NKAIN2: variants seen among roughly 807,000 people sequenced by gnomAD.
The protein encoded by NKAIN2 is sodium/potassium transporting ATPase interacting 2.
NKAIN2 carries 14 observed loss-of-function variants against 32.6 expected under a neutral mutation model. The observed-to-expected ratio is 0.43, with a 90% CI of 0.28 to 0.67. The LOEUF (loss-of-function observed/expected upper bound fraction) is 0.67, where lower values mean the gene tolerates loss of function less well. Among genes scored for constraint, NKAIN2 ranks in the 30% least tolerant of loss-of-function variants. The pLI, the probability that NKAIN2 is intolerant of heterozygous loss-of-function variation, is 0.17. For missense variants in NKAIN2, 198 were observed against 258.3 expected (o/e 0.77, Z 1.60); for synonymous variants, 80 against 87.2 (o/e 0.92, Z 0.46).
chr6:124,205,668 A>C (rs1790835107), intron 1 of NKAIN2, among the ~76,000 whole-genome samples: 1 of 151,618 alleles, frequency 6.6e-6, no homozygotes, highest in Admixed American at 6.6e-5. Context: ...AGATATTCAC[A>C]TTTACAGAGG....
At chr6:123,967,885 C>T (rs533057887) in intron 1 of NKAIN2, among the ~76,000 whole-genome samples, 3 of 152,242 alleles carry the variant, frequency 2.0e-5, no homozygotes, top group African/African-American at 7.2e-5. Context: ...TGTGCTCGCT[C>T]TCTGTGGTAT....
chr6:124,119,296 A>C (rs1043488721), intron 1 of NKAIN2, among the ~76,000 whole-genome samples: 3 of 152,160 alleles, frequency 2.0e-5, no homozygotes, highest in Non-Finnish European at 4.4e-5. Context: ...TCCAGAACAA[A>C]TGTATGTTCC....
chr6:124,571,283 G>A (rs2114917975), intron 3 of NKAIN2, among the ~76,000 whole-genome samples: 1 of 152,248 alleles, frequency 6.6e-6, no homozygotes, highest in South Asian at 2.1e-4. Flanking sequence ...AAGACTTTGG[G>A]GGACTGTTGG....
intron 1 of NKAIN2, among the ~76,000 whole-genome samples, chr6:123,905,862 G>A (rs1453307868): frequency 6.6e-6 from 1 of 152,098 alleles, no homozygotes; most frequent in East Asian, 1.9e-4. Context: ...AAGCTGAAAA[G>A]TACTATTAAT....
intron 1 of NKAIN2, among the ~76,000 whole-genome samples, chr6:124,264,947 A>G (rs1003487384): frequency 2.0e-5 from 3 of 152,220 alleles, no homozygotes; most frequent in African/African-American, 7.2e-5. Flanking sequence ...CATAATTTTT[A>G]TAATATATGT....
At chr6:124,632,167 C>A (rs1783594545) in intron 3 of NKAIN2, among the ~76,000 whole-genome samples, 3 of 152,104 alleles carry the variant, frequency 2.0e-5, no homozygotes, top group Admixed American at 6.5e-5. Context: ...GAACACACAT[C>A]TTAATTAAAA....
At chr6:124,494,164 C>T (rs943428103) in intron 3 of NKAIN2, among the ~76,000 whole-genome samples, 1 of 152,044 alleles carries the variant, frequency 6.6e-6, no homozygotes, top group Non-Finnish European at 1.5e-5. Flanking sequence ...GCTTAGGTGT[C>T]TTTCTTCCCT....
chr6:124,591,180 G>A (rs1781897664), intron 3 of NKAIN2, among the ~76,000 whole-genome samples: 2 of 152,192 alleles, frequency 1.3e-5, no homozygotes, highest in African/African-American at 4.8e-5. Context: ...CATTTGTGGT[G>A]CCACGAATTG....
chr6:123,968,694 G>A (rs1778202900), intron 1 of NKAIN2, among the ~76,000 whole-genome samples: 1 of 152,026 alleles, frequency 6.6e-6, no homozygotes, highest in Non-Finnish European at 1.5e-5. Flanking sequence ...TTATATCATT[G>A]CCTGAAGCTG....
intron 4 of NKAIN2, among the ~76,000 whole-genome samples, chr6:124,714,877 CTGAG>C (rs1197542275): frequency 3.3e-5 from 5 of 152,146 alleles, no homozygotes; most frequent in African/African-American, 9.7e-5. Flanking sequence ...GTATGCCTGA[CTGAG>C]TAATGGGAGA....
At chr6:123,919,668 G>A (rs967846552) in intron 1 of NKAIN2, among the ~76,000 whole-genome samples, 3 of 152,202 alleles carry the variant, frequency 2.0e-5, no homozygotes, top group African/African-American at 7.2e-5. Flanking sequence ...TATAGTTTGA[G>A]TGGATTCCAT....
intron 1 of NKAIN2, among the ~76,000 whole-genome samples, chr6:124,239,041 A>G (rs976425690): frequency 6.6e-6 from 1 of 152,182 alleles, no homozygotes; most frequent in Non-Finnish European, 1.5e-5. Flanking sequence ...AGACACACAT[A>G]GGCTCAAAAT....
At chr6:124,611,680 G>T (rs1404743258) in intron 3 of NKAIN2, among the ~76,000 whole-genome samples, 1 of 152,200 alleles carries the variant, frequency 6.6e-6, no homozygotes, top group South Asian at 2.1e-4. Context: ...GACAGATTTG[G>T]TGGATTAGAA....
intron 1 of NKAIN2, among the ~76,000 whole-genome samples, chr6:123,958,122 T>A (rs2039240092): frequency 1.3e-5 from 2 of 152,046 alleles, no homozygotes; most frequent in African/African-American, 4.8e-5. Context: ...AGAAGAGCAG[T>A]TTTAGGGTCT....
chr6:124,394,653 GAA>G lies in NKAIN2; in HGVS notation c.273+39320_273+39321del, dbSNP rs58812785. Among the ~76,000 whole-genome samples, 542 of 118,532 alleles carry G rather than the reference GAA, an allele frequency of 4.6e-3. 1 individual carries two copies. The highest frequency in any genetic ancestry group is 0.016 in the African/African-American group (522 of 33,544). The allele number at this position is 118,532 out of a possible 152,430, so 77.8% of individuals were successfully genotyped here. On this transcript the variant is annotated intron_variant, in intron 3 of 6. Coordinates refer to ENST00000368417, the MANE Select transcript of NKAIN2 (RefSeq NM_001040214.3). The stretch of plus-strand genomic sequence containing the variant: ...TATTTCAGTCCAAACCCAAATGGCA[GAA>G]AAAAAAAAAAAAACAGTGTCCCAGG...
At chr6:124,417,357 A>G (rs988392949) in intron 3 of NKAIN2, among the ~76,000 whole-genome samples, 4 of 152,228 alleles carry the variant, frequency 2.6e-5, no homozygotes, top group Non-Finnish European at 4.4e-5. Flanking sequence ...AAAGCAGAAT[A>G]GAGAAAACAG....
chr6:124,531,548 T>C (rs1310032237), intron 3 of NKAIN2, among the ~76,000 whole-genome samples: 1 of 152,248 alleles, frequency 6.6e-6, no homozygotes, highest in Non-Finnish European at 1.5e-5. Context: ...ATCAGAGTAA[T>C]GCTGGCCTTG....
intron 1 of NKAIN2, among the ~76,000 whole-genome samples, chr6:123,953,971 A>C (rs947571659): frequency 2.0e-5 from 3 of 152,120 alleles, no homozygotes; most frequent in Non-Finnish European, 2.9e-5. Context: ...CAGGTGTGGG[A>C]GTTTGCACTT....
chr6:124,581,408 C>T (rs1781516443), intron 3 of NKAIN2, among the ~76,000 whole-genome samples: 4 of 140,572 alleles, frequency 2.8e-5, no homozygotes, highest in South Asian at 4.5e-4. Flanking sequence ...CACTGCAGTC[C>T]GCAGTCCGGC....
Sources: gnomAD v4.1 joint callset for allele counts (sites outside exome capture counted in the v4.1 genomes callset) on GRCh38, gnomAD v4.1.1 for gene constraint, MANE v1.5 for transcripts, NCBI Gene and HGNC (gene_info 2026-07-23, HGNC 2026-07-21) for gene names.